SORBS2: variants seen among roughly 807,000 people sequenced by gnomAD.
SORBS2 encodes sorbin and SH3 domain containing 2, also known as sorbin and SH3 domain-containing protein 2.
A neutral mutation model predicts 97.7 loss-of-function variants in SORBS2; 46 were observed. That is an observed-to-expected ratio of 0.47 (90% CI 0.37 to 0.60). SORBS2 has a LOEUF of 0.60. Among genes scored for constraint, SORBS2 ranks in the 20% least tolerant of loss-of-function variants. SORBS2 has a pLI of 0.00. For synonymous variants in SORBS2, 476 were observed against 473.4 expected, an observed-to-expected ratio of 1.01 and a Z score of -0.07; for missense variants, 1,316 against 1,282.3, an observed-to-expected ratio of 1.03 and a Z score of -0.40.
rs763821963 is a variant in SORBS2 at position 185,677,503 on chromosome 4, G to GT, written c.-46+919dup. On this transcript the variant is annotated intron_variant, in intron 4 of 20. Coordinates refer to the SORBS2 transcript ENST00000284776. Reference sequence around the variant, plus strand: ...TTGGAATACATAGTTCCCTGAAGAGGTTTTTTGTTAGCAAAGTACTCTGTA... The same window carrying GT: ...TTGGAATACATAGTTCCCTGAAGAGGTTTTTTTGTTAGCAAAGTACTCTGTA... 39 of 1,551,630 alleles carry GT rather than the reference G, an allele frequency of 2.5e-5. No homozygotes were observed. The Middle Eastern group carries it at 5.0e-4, about 20-fold the overall frequency.
At chr4:185,917,878 A>G (rs78884380) in intron 1 of SORBS2, among the ~76,000 whole-genome samples, 10,045 of 152,234 alleles carry the variant, frequency 0.066, 361 homozygotes, top group African/African-American at 0.11. Flanking sequence ...GTGTGAGAGC[A>G]GAGGAAAAAC....
intron 1 of SORBS2, among the ~76,000 whole-genome samples, chr4:185,876,787 T>A (rs1250714259): frequency 6.6e-6 from 1 of 152,166 alleles, no homozygotes; most frequent in Non-Finnish European, 1.5e-5. Context: ...ACATAATAAT[T>A]CAGTTAAAAT....
At chr4:185,641,170 T>A (rs573135652) in intron 4 of SORBS2, among the ~76,000 whole-genome samples, 1 of 152,208 alleles carries the variant, frequency 6.6e-6, no homozygotes, top group Admixed American at 6.5e-5. Flanking sequence ...ATATCTACCA[T>A]CTTGCATCAT....
intron 1 of SORBS2, among the ~76,000 whole-genome samples, chr4:185,870,634 C>T (rs146083443): frequency 1.1e-4 from 16 of 152,322 alleles, no homozygotes; most frequent in South Asian, 2.1e-4. Context: ...CCATGCGGCT[C>T]CGGCTTTGCT....
At position 185,833,968 on chromosome 4, in the gene SORBS2, T is replaced by A. The variant is rs80210736; in HGVS notation, c.-337-58602A>T. Among the ~76,000 whole-genome samples the A allele has an allele frequency of 6.3e-3, 964 of 152,286 alleles. 2 individuals are homozygous for A. The highest frequency in any genetic ancestry group is 9.4e-3 in the Non-Finnish European group (641 of 68,022). On this transcript the variant is annotated intron_variant, in intron 1 of 20. Transcript: ENST00000284776. ...ACATAACATATGCTCCACAAAGAGT[T>A]CTAGAATTAACCAATGGGCAGTATG...
intron 1 of SORBS2, among the ~76,000 whole-genome samples, chr4:185,826,645 G>A (rs2099199984): frequency 6.6e-6 from 1 of 152,036 alleles, no homozygotes; most frequent in Non-Finnish European, 1.5e-5. Context: ...CTAATTCACT[G>A]GGTCAGTAGG....
At chr4:185,734,808 C>T (rs775335766) in intron 2 of SORBS2, among the ~76,000 whole-genome samples, 40 of 152,216 alleles carry the variant, frequency 2.6e-4, no homozygotes, top group Non-Finnish European at 1.9e-4. Flanking sequence ...AAAGCCTTCC[C>T]TCTACCTGAA....
chr4:185,849,949 G>A (rs2099216858), intron 1 of SORBS2, among the ~76,000 whole-genome samples: 1 of 152,210 alleles, frequency 6.6e-6, no homozygotes, highest in South Asian at 2.1e-4. Flanking sequence ...GAGACAAGCT[G>A]CTTGCAATGG....
At chr4:185,630,047 A>T (rs560104246) in intron 5 of SORBS2, among the ~76,000 whole-genome samples, 6 of 152,194 alleles carry the variant, frequency 3.9e-5, no homozygotes, top group African/African-American at 7.2e-5. Flanking sequence ...TTCCTCAGAG[A>T]TAAAGTGGGG....
In SORBS2 at chr4:185,607,506, T is replaced by C. The variant is rs1377737646; in HGVS notation, c.2796+4274A>G. 6.6e-6 allele frequency among the ~76,000 whole-genome samples: 1 copy of C among 152,202 alleles called. No homozygotes were observed. Among genetic ancestry groups the C allele is most frequent in the African/African-American group, 2.4e-5 (1 of 41,442 alleles). ...CATAGATTTGAAGACATTTAGAAGA[T>C]ATCTAGATTTGAAGGTATTTTGCTG... On this transcript the variant is annotated intron_variant, in intron 12 of 14. Coordinates refer to ENST00000418609, the Ensembl canonical transcript of SORBS2. This position sits in a 1 kb window ranked among gnomAD's most constrained non-coding sequence, Gnocchi z 5.2.
chr4:185,859,044 G>A (rs1356934613), intron 1 of SORBS2, among the ~76,000 whole-genome samples: 3 of 152,076 alleles, frequency 2.0e-5, no homozygotes, highest in Non-Finnish European at 4.4e-5. Context: ...GAACCCAAAA[G>A]GCTAGTCGAA....
At chr4:185,732,889 A>G (rs754902613) in intron 2 of SORBS2, among the ~76,000 whole-genome samples, 7 of 152,298 alleles carry the variant, frequency 4.6e-5, no homozygotes, top group Non-Finnish European at 1.0e-4. Flanking sequence ...ACATGGAGAG[A>G]GAGATTTGGA....
At chr4:185,742,874 T>A (rs2098735964) in intron 2 of SORBS2, among the ~76,000 whole-genome samples, 1 of 152,188 alleles carries the variant, frequency 6.6e-6, no homozygotes. Flanking sequence ...ACACACGAGC[T>A]TCTGAAGTTC....
At chr4:185,662,717 G>A (rs2097539514) in intron 4 of SORBS2, among the ~76,000 whole-genome samples, 1 of 152,226 alleles carries the variant, frequency 6.6e-6, no homozygotes, top group African/African-American at 2.4e-5. Flanking sequence ...AATGTTTCCA[G>A]AGCTGGTGAA....
At chr4:185,692,189 CT>C (rs1288821941) in intron 2 of SORBS2, among the ~76,000 whole-genome samples, 4 of 152,214 alleles carry the variant, frequency 2.6e-5, no homozygotes, top group African/African-American at 9.7e-5. Context: ...CCTGCAAGAG[CT>C]GTCTGACCCC....
chr4:185,674,941 T>C (rs2097770718), intron 4 of SORBS2, among the ~76,000 whole-genome samples: 1 of 152,212 alleles, frequency 6.6e-6, no homozygotes, highest in Admixed American at 6.5e-5. Context: ...TTTACTCCAG[T>C]TCTTATTAAT....
rs1398217567 is a variant in SORBS2 at position 185,606,955 on chromosome 4, T to C, written c.2796+4825A>G. ...TCTCATTTTTCTCAACTCTGCAAAGTTGCTTTGAGTTGTCGTTCTGGGATC... is the reference window on the plus strand; with the variant it reads ...TCTCATTTTTCTCAACTCTGCAAAGCTGCTTTGAGTTGTCGTTCTGGGATC... On this transcript the variant is annotated intron_variant, in intron 12 of 14. Coordinates refer to ENST00000418609, the Ensembl canonical transcript of SORBS2. This position sits in a 1 kb window ranked among gnomAD's most constrained non-coding sequence, Gnocchi z 4.3. 1.0e-6 allele frequency: 1 copy of C among 992,674 alleles called. No homozygotes were observed. Among genetic ancestry groups the C allele is most frequent in the Non-Finnish European group, 1.2e-6 (1 of 834,038 alleles). The allele number at this position is 992,674 out of a possible 1,614,324, so 61.5% of individuals were successfully genotyped here. A position where few individuals can be genotyped will look rare whatever the true frequency, so the allele number is the denominator to read the frequency against.
chr4:185,897,908 G>A (rs1357437029), intron 1 of SORBS2, among the ~76,000 whole-genome samples: 1 of 152,094 alleles, frequency 6.6e-6, no homozygotes, highest in Non-Finnish European at 1.5e-5. Context: ...GTGGTGGCAG[G>A]TGCCTGTAAT....
At chr4:185,709,302 A>ATTTTTTTTTTTTTTTTTTTTT (rs1562045505) in intron 2 of SORBS2, among the ~76,000 whole-genome samples, 7 of 42,182 alleles carry the variant, frequency 1.7e-4, no homozygotes, top group South Asian at 9.8e-4. Flanking sequence ...TGCTGGCCAA[A>ATTTTTTTTTTTTTTTTTTTTT]TCTTTTTTTT....
Sources: gnomAD v4.1 joint callset for allele counts (sites outside exome capture counted in the v4.1 genomes callset) on GRCh38, gnomAD v4.1.1 for gene constraint, Gnocchi (gnomAD v3.1) non-coding constraint, MANE v1.5 for transcripts, NCBI Gene and HGNC (gene_info 2026-07-23, HGNC 2026-07-21) for gene names.